KCNQ5: variants seen among roughly 807,000 people sequenced by gnomAD.
The protein encoded by KCNQ5 is potassium voltage-gated channel subfamily Q member 5, also known as potassium voltage-gated channel subfamily KQT member 5.
KCNQ5 carries 30 observed loss-of-function variants against 98.2 expected under a neutral mutation model. The ratio of observed to expected loss-of-function variants is 0.31; its 90% CI spans 0.23 to 0.41. KCNQ5 has a LOEUF of 0.41. KCNQ5 is among the 10% of genes least tolerant of loss of function. KCNQ5 has a pLI of 1.00. For synonymous variants in KCNQ5, 458 were observed against 449.4 expected (o/e 1.02, Z -0.24); for missense variants, 835 against 1,182.5 (o/e 0.71, Z 4.31).
rs568964339 is a variant in KCNQ5 at position 73,160,170 on chromosome 6, C to A, written c.1469-9576C>A. On this transcript the variant is annotated intron_variant, in intron 10 of 13. Transcript: ENST00000370398. ...CTGGGACTACAGGCACCCACCACGA[C>A]GCCCGGCTGTTTTTTTTTTGTATTT... Among the ~76,000 whole-genome samples the A allele has an allele frequency of 4.7e-5, 7 of 150,348 alleles. No homozygotes were observed. In the South Asian group the frequency reaches 1.5e-3, roughly 32 times the overall value.
chr6:73,063,220 TTCAAAAAGC>T (rs1404089647), intron 3 of KCNQ5, among the ~76,000 whole-genome samples: 6 of 152,180 alleles, frequency 3.9e-5, no homozygotes, highest in African/African-American at 1.4e-4. Flanking sequence ...GCGTGTCTTA[TTCAAAAAGC>T]TCATGACAGT....
In KCNQ5 at chr6:72,622,669, C is replaced by T. The variant is rs1010721934; in HGVS notation, c.398+82C>T. On this transcript the variant is annotated intron_variant, in intron 1 of 13. Coordinates refer to ENST00000370398, the MANE Select transcript of KCNQ5 (RefSeq NM_019842.4). The surrounding 1 kb of genome is among the most constrained non-coding windows in gnomAD (Gnocchi z 6.0). ...CTGGGGCGTGCTCCGCGCTCGCGCCCTTGGGCCCCCGCGCGCGTGCACACG... is the reference window on the plus strand; with the variant it reads ...CTGGGGCGTGCTCCGCGCTCGCGCCTTTGGGCCCCCGCGCGCGTGCACACG... 2.7e-6 allele frequency: 4 copies of T among 1,503,490 alleles called. No individual in the cohort carries two copies. The highest frequency in any genetic ancestry group is 4.1e-5 in the Admixed American group (2 of 49,184). 93.1% of individuals were successfully genotyped at this position (1,503,490 alleles called of 1,614,324 possible). A position where few individuals can be genotyped will look rare whatever the true frequency, so the allele number is the denominator to read the frequency against.
At chr6:72,721,025 A>G (rs1476520513) in intron 1 of KCNQ5, among the ~76,000 whole-genome samples, 2 of 152,212 alleles carry the variant, frequency 1.3e-5, no homozygotes, top group African/African-American at 4.8e-5. Context: ...CAGACAGACA[A>G]TAACCAAATA....
rs548818098 is a variant in KCNQ5, at chr6:72,730,332, A to G, written c.398+107745A>G. On this transcript the variant is annotated intron_variant, in intron 1 of 13. Transcript: ENST00000370398. ...TAGATTTTTTTTTGTTTTCTTTAATATGGATTAATTTATTAGTTTTTCTAT... is the reference window on the plus strand; with the variant it reads ...TAGATTTTTTTTTGTTTTCTTTAATGTGGATTAATTTATTAGTTTTTCTAT... 4.3e-4 allele frequency among the ~76,000 whole-genome samples: 65 copies of G among 152,136 alleles called. 1 individual carries two copies. In the South Asian group the frequency reaches 0.011, roughly 26 times the overall value.
intron 1 of KCNQ5, among the ~76,000 whole-genome samples, chr6:72,816,624 C>T (rs917181359): frequency 6.6e-6 from 1 of 152,124 alleles, no homozygotes; most frequent in African/African-American, 2.4e-5. Flanking sequence ...AAATCCACAT[C>T]ATATATCTAG....
chr6:72,892,360 T>C (rs899627694), intron 1 of KCNQ5, among the ~76,000 whole-genome samples: 1 of 152,212 alleles, frequency 6.6e-6, no homozygotes, highest in Non-Finnish European at 1.5e-5. Context: ...TCAGATAATT[T>C]GTAGTGCCTC....
chr6:72,665,529 C>A (rs1766769375), intron 1 of KCNQ5, among the ~76,000 whole-genome samples: 1 of 152,122 alleles, frequency 6.6e-6, no homozygotes, highest in Non-Finnish European at 1.5e-5. Flanking sequence ...CTAACTAGTT[C>A]TGTATGGATT....
intron 5 of KCNQ5, among the ~76,000 whole-genome samples, chr6:73,096,383 A>C (rs2150410209): frequency 6.9e-6 from 1 of 145,462 alleles, no homozygotes. Flanking sequence ...ATAGCAAGGC[A>C]GGAGGGGCAG....
At chr6:73,138,443 A>T (rs1776563443) in intron 10 of KCNQ5, among the ~76,000 whole-genome samples, 2 of 152,214 alleles carry the variant, frequency 1.3e-5, no homozygotes, top group Non-Finnish European at 2.9e-5. Context: ...GAGTACAATA[A>T]CCTGGACAGT....
chr6:72,928,308 G>T (rs1053217902), intron 1 of KCNQ5, among the ~76,000 whole-genome samples: 1 of 151,892 alleles, frequency 6.6e-6, no homozygotes, highest in African/African-American at 2.4e-5. Context: ...GAAAAACAAG[G>T]GTACTAAAAT....
chr6:73,037,329 C>T (rs2150353999), intron 2 of KCNQ5, among the ~76,000 whole-genome samples: 1 of 152,184 alleles, frequency 6.6e-6, no homozygotes, highest in South Asian at 2.1e-4. Flanking sequence ...TCTTTTCATC[C>T]TTAGTACCTG....
In KCNQ5 at chr6:73,059,040, T is replaced by G. The variant is rs764118207; in HGVS notation, c.616+16978T>G. Among the ~76,000 whole-genome samples, 19 of 152,238 alleles carry G rather than the reference T, an allele frequency of 1.2e-4. No individual in the cohort carries two copies. In the East Asian group the frequency reaches 1.3e-3, roughly 11 times the overall value. ...AAGAACTCAAAATGGAATTACCATT[T>G]GACCCAGTAATCTCACTATTGGGTT... On this transcript the variant is annotated intron_variant, in intron 3 of 13. Transcript: ENST00000370398.
At chr6:72,794,172 T>C (rs1774204614) in intron 1 of KCNQ5, among the ~76,000 whole-genome samples, 1 of 152,226 alleles carries the variant, frequency 6.6e-6, no homozygotes, top group South Asian at 2.1e-4. Flanking sequence ...TTCCTATTTA[T>C]AGCTTTCGGG....
chr6:72,834,566 T>A (rs1362482134), intron 1 of KCNQ5, among the ~76,000 whole-genome samples: 4 of 152,174 alleles, frequency 2.6e-5, no homozygotes. Context: ...CCAAAATAGT[T>A]CTATTGAACA....
intron 1 of KCNQ5, among the ~76,000 whole-genome samples, chr6:72,773,384 T>G (rs540147181): frequency 6.6e-6 from 1 of 152,124 alleles, no homozygotes; most frequent in East Asian, 1.9e-4. Flanking sequence ...TTCTCACTCA[T>G]ATGTGGGAGT....
chr6:72,841,290 A>T (rs969018476), intron 1 of KCNQ5, among the ~76,000 whole-genome samples: 9 of 152,146 alleles, frequency 5.9e-5, no homozygotes, highest in Admixed American at 3.9e-4. Context: ...TCCTATTAAC[A>T]TATTGAATCA....
chr6:72,798,078 G>T (rs1049169177), intron 1 of KCNQ5, among the ~76,000 whole-genome samples: 2 of 152,172 alleles, frequency 1.3e-5, no homozygotes, highest in Non-Finnish European at 2.9e-5. Context: ...TGATACCCAT[G>T]AGTGAACTGG....
At chr6:72,850,116 T>TA (rs146593174) in intron 1 of KCNQ5, among the ~76,000 whole-genome samples, 1,803 of 152,234 alleles carry the variant, frequency 0.012, 14 homozygotes, top group Non-Finnish European at 0.018. Flanking sequence ...TTACCCAAGA[T>TA]AAAAAATGCT....
chr6:73,091,762 G>GT (rs139738338), intron 5 of KCNQ5, among the ~76,000 whole-genome samples: 13 of 32,262 alleles, frequency 4.0e-4, no homozygotes, highest in African/African-American at 6.7e-4. Context: ...TGGGTTTTTT[G>GT]TTGGTTTATT....
Sources: gnomAD v4.1 joint callset for allele counts (sites outside exome capture counted in the v4.1 genomes callset) on GRCh38, gnomAD v4.1.1 for gene constraint, Gnocchi (gnomAD v3.1) non-coding constraint, MANE v1.5 for transcripts, NCBI Gene and HGNC (gene_info 2026-07-23, HGNC 2026-07-21) for gene names.